The following GRIA1 variants were observed in gnomAD, a reference collection of about 807,000 sequenced individuals.
GRIA1 encodes glutamate receptor 1.
In GRIA1, 31 loss-of-function variants were observed where a neutral mutation model predicts 99.2. The ratio of observed to expected loss-of-function variants is 0.31; its 90% CI spans 0.23 to 0.42. The LOEUF (loss-of-function observed/expected upper bound fraction) is 0.42. GRIA1 is among the 10% of genes least tolerant of loss of function. The pLI is 1.00. For synonymous variants in GRIA1, 438 were observed against 432.4 expected (o/e 1.01, Z -0.16); for missense variants, 782 against 1,157.5 (o/e 0.68, Z 4.71).
intron 2 of GRIA1, among the ~76,000 whole-genome samples, chr5:153,552,630 A>G (rs1263328466): frequency 6.6e-6 from 1 of 152,098 alleles, no homozygotes; most frequent in East Asian, 1.9e-4. Context: ...TGATTCCAGT[A>G]TACAGATCAG....
At chr5:153,763,496 T>C (rs759504492) in intron 11 of GRIA1, among the ~76,000 whole-genome samples, 11 of 152,172 alleles carry the variant, frequency 7.2e-5, no homozygotes, top group Admixed American at 2.0e-4. Flanking sequence ...CCTTGATAAA[T>C]TGAACAGGAT....
intron 12 of GRIA1, among the ~76,000 whole-genome samples, chr5:153,765,945 C>T (rs993453161): frequency 2.6e-5 from 4 of 152,180 alleles, no homozygotes; most frequent in Non-Finnish European, 5.9e-5. Flanking sequence ...AGAGACAGCA[C>T]GCTGCCATAT....
At chr5:153,616,832 C>G (rs892511320) in intron 2 of GRIA1, among the ~76,000 whole-genome samples, 1 of 152,142 alleles carries the variant, frequency 6.6e-6, no homozygotes, top group African/African-American at 2.4e-5. Context: ...CCACATGCCT[C>G]GACTGACTGT....
At chr5:153,578,587 A>T (rs35595140) in intron 2 of GRIA1, among the ~76,000 whole-genome samples, 16,162 of 152,214 alleles carry the variant, frequency 0.11, 954 homozygotes, top group South Asian at 0.25. Context: ...ACAAGTAGAA[A>T]GGGATGTGGT....
chr5:153,686,287 C>G lies in GRIA1; in HGVS notation c.1092C>G (p.Tyr364Ter). The G allele has an allele frequency of 6.2e-7, 1 of 1,613,944 alleles. No homozygotes were observed. The highest frequency in any genetic ancestry group is 8.5e-7 in the Non-Finnish European group (1 of 1,179,828). Reference protein sequence around the residue: ...QFNEKGRRTNYTLHVIEMKHD... With the variant: ...QFNEKGRRTN ...ATGAGAAAGGACGCCGGACCAACTACACGCTCCACGTGATTGAAATGAAAC... is the reference window on the plus strand; with the variant it reads ...ATGAGAAAGGACGCCGGACCAACTAGACGCTCCACGTGATTGAAATGAAAC... Residue 364 changes from tyrosine (Y) to a stop codon, truncating the protein, a stop_gained, in exon 8 of 16, where the codon TAC (tyrosine) becomes TAG (stop). Transcript: ENST00000285900. LOFTEE classifies it high-confidence loss of function.
At chr5:153,496,050 GA>G (rs1391671368) in intron 2 of GRIA1, among the ~76,000 whole-genome samples, 4 of 152,234 alleles carry the variant, frequency 2.6e-5, no homozygotes. Context: ...TTGGTTGAAA[GA>G]GATGTGAACT....
chr5:153,674,491 C>T lies in GRIA1; in HGVS notation c.700-9C>T, dbSNP rs375127385. On this transcript the variant is annotated splice_polypyrimidine_tract_variant and intron_variant, in intron 5 of 15. Transcript: ENST00000285900. ...ATGTTCTAACTTCTCCCTCCTCCCC[C>T]TCTCACAGGGCTTCATGGACATTGA... 90 of 1,613,900 alleles carry T rather than the reference C, an allele frequency of 5.6e-5. No homozygotes were observed. The African/African-American group carries it at 7.2e-4, about 13-fold the overall frequency.
At chr5:153,697,483 C>T (rs1758197760) in intron 8 of GRIA1, among the ~76,000 whole-genome samples, 2 of 151,932 alleles carry the variant, frequency 1.3e-5, no homozygotes, top group South Asian at 2.1e-4. Context: ...TTTAGACACT[C>T]CTATATATTC....
chr5:153,666,419 G>A (rs1406507814), intron 5 of GRIA1, among the ~76,000 whole-genome samples: 1 of 152,174 alleles, frequency 6.6e-6, no homozygotes, highest in Admixed American at 6.5e-5. Flanking sequence ...CATTAAAGGA[G>A]CTAAGGGAAA....
At position 153,650,488 on chromosome 5, in the gene GRIA1, G is replaced by C; in HGVS notation, c.619G>C (p.Glu207Gln). The C allele has an allele frequency of 6.2e-7, 1 of 1,613,862 alleles. No individual in the cohort carries two copies. The highest frequency in any genetic ancestry group is 8.5e-7 in the Non-Finnish European group (1 of 1,179,888). ...GCTGGTGGTGGTGGACTGTGAATCAGAACGCCTCAATGCTATCTTGGGCCA... is the reference window on the plus strand; with the variant it reads ...GCTGGTGGTGGTGGACTGTGAATCACAACGCCTCAATGCTATCTTGGGCCA... Reference protein sequence around the residue: ...ERLVVVDCESERLNAILGQII... With the variant: ...ERLVVVDCESQRLNAILGQII... Residue 207 changes from glutamate to glutamine, a missense_variant, in exon 4 of 16, where the codon GAA becomes CAA. By Grantham distance (29) the Glu-to-Gln change is conservative (BLOSUM62 2). Around this residue, in one of 5 missense-constraint regions of GRIA1, gnomAD observed 461 missense variants for 521.7 expected, o/e 0.88. Coordinates refer to ENST00000285900, the MANE Select transcript of GRIA1 (RefSeq NM_000827.4).
At position 153,785,050 on chromosome 5, in the gene GRIA1, G is replaced by A. The variant is rs994720745; in HGVS notation, c.2271-9571G>A. ...GAGAAGGTTTCTCTGTCATCCCCTC[G>A]AAATGGTTTTTTATCCTCCACAGGC... On this transcript the variant is annotated intron_variant, in intron 13 of 15. Coordinates refer to ENST00000285900, the MANE Select transcript of GRIA1 (RefSeq NM_000827.4). Among the ~76,000 whole-genome samples, 23 of 152,094 alleles carry A rather than the reference G, an allele frequency of 1.5e-4. 1 individual carries two copies. Among genetic ancestry groups the A allele is most frequent in the Admixed American group, 1.0e-3 (16 of 15,268 alleles).
chr5:153,767,331 G>A (rs11749754), intron 12 of GRIA1, among the ~76,000 whole-genome samples: 26,600 of 152,096 alleles, frequency 0.17, 2,523 homozygotes, highest in Middle Eastern at 0.29. Context: ...CTTGCCCAAC[G>A]TCTTTCAGCT....
chr5:153,503,663 A>T (rs1755218460), intron 2 of GRIA1, among the ~76,000 whole-genome samples: 1 of 152,230 alleles, frequency 6.6e-6, no homozygotes, highest in Non-Finnish European at 1.5e-5. Context: ...GTCTGAAAGC[A>T]TTTCTTTTCA....
At chr5:153,595,507 G>T (rs1764351844) in intron 2 of GRIA1, among the ~76,000 whole-genome samples, 1 of 152,042 alleles carries the variant, frequency 6.6e-6, no homozygotes, top group Non-Finnish European at 1.5e-5. Context: ...CTACCTCTTT[G>T]AGGGCAGAGT....
At chr5:153,563,881 G>C (rs776319168) in intron 2 of GRIA1, among the ~76,000 whole-genome samples, 1 of 152,166 alleles carries the variant, frequency 6.6e-6, no homozygotes, top group East Asian at 1.9e-4. Flanking sequence ...TCTACTATGA[G>C]TAGTATTGTT....
intron 11 of GRIA1, among the ~76,000 whole-genome samples, chr5:153,749,216 C>T (rs922573968): frequency 2.0e-5 from 3 of 152,156 alleles, no homozygotes; most frequent in African/African-American, 7.2e-5. Flanking sequence ...ACATCTTTAG[C>T]TCTGCCGTGT....
At chr5:153,750,922 C>T (rs1465156084) in intron 11 of GRIA1, among the ~76,000 whole-genome samples, 1 of 152,044 alleles carries the variant, frequency 6.6e-6, no homozygotes, top group African/African-American at 2.4e-5. Flanking sequence ...GATGATGAAA[C>T]CCCGTCTCTA....
intron 12 of GRIA1, 85 bp downstream of exon 12, chr5:153,764,717 G>T: frequency 1.0e-6 from 1 of 969,300 alleles, no homozygotes; most frequent in Non-Finnish European, 1.6e-6. Context: ...TATAGCCTGA[G>T]ATAACAGGCA....
At chr5:153,788,839 A>G (rs1765132686) in intron 13 of GRIA1, among the ~76,000 whole-genome samples, 1 of 152,168 alleles carries the variant, frequency 6.6e-6, no homozygotes, top group South Asian at 2.1e-4. Context: ...TTCCCACTCA[A>G]TGTAGATGTC....
Sources: allele counts gnomAD v4.1 joint callset (sites outside exome capture counted in the v4.1 genomes callset), GRCh38; gene constraint gnomAD v4.1.1; regional missense constraint gnomAD v4.1.1; transcripts MANE v1.5; gene names NCBI Gene and HGNC (gene_info 2026-07-23, HGNC 2026-07-21).